GDI2: variants seen among roughly 807,000 people sequenced by gnomAD.
The protein encoded by GDI2 is rab GDP dissociation inhibitor beta.
In GDI2, 22 loss-of-function variants were observed where a neutral mutation model predicts 54.2. The observed-to-expected ratio is 0.41, with a 90% CI of 0.29 to 0.58. The LOEUF is 0.58. Among genes scored for constraint, GDI2 ranks in the 20% least tolerant of loss-of-function variants. GDI2 has a pLI of 0.35. For missense variants in GDI2, 422 were observed against 546.0 expected (o/e 0.77, Z 2.26); for synonymous variants, 177 against 182.1 (o/e 0.97, Z 0.23).
chr10:5,799,223 G>A (rs748494982), intron 2 of GDI2, among the ~76,000 whole-genome samples: 6 of 152,012 alleles, frequency 3.9e-5, no homozygotes, highest in South Asian at 2.1e-4. Flanking sequence ...CTTTAGCCCC[G>A]CTACTTAGGA....
At chr10:5,787,076 C>T (rs1840896892) in intron 4 of GDI2, among the ~76,000 whole-genome samples, 1 of 152,152 alleles carries the variant, frequency 6.6e-6, no homozygotes, top group East Asian at 1.9e-4. Context: ...CATTCCTAAG[C>T]TGTACAGCTA....
At chr10:5,770,486 C>T (rs547830249) in intron 7 of GDI2, among the ~76,000 whole-genome samples, 7 of 151,928 alleles carry the variant, frequency 4.6e-5, no homozygotes, top group African/African-American at 1.4e-4. Flanking sequence ...CACTTGAATA[C>T]GGGAGGCAGA....
intron 3 of GDI2, among the ~76,000 whole-genome samples, chr10:5,795,459 C>A (rs181162508): frequency 6.6e-6 from 1 of 152,258 alleles, no homozygotes; most frequent in Admixed American, 6.5e-5. Flanking sequence ...ATAGGACAAC[C>A]AGAATGCAAA....
In GDI2 at chr10:5,768,676, G is replaced by A. The variant is rs1004780155; in HGVS notation, c.820-292C>T. 21 of 275,928 alleles carry A rather than the reference G, an allele frequency of 7.6e-5. No homozygotes were observed. Among genetic ancestry groups the A allele is most frequent in the African/African-American group, 2.9e-4 (13 of 45,484 alleles). The allele number at this position is 275,928 out of a possible 1,614,324, so 17.1% of individuals were successfully genotyped here. On this transcript the variant is annotated intron_variant, in intron 7 of 10. Coordinates refer to ENST00000380191, the MANE Select transcript of GDI2 (RefSeq NM_001494.4). This position sits in a 1 kb window ranked among gnomAD's most constrained non-coding sequence, Gnocchi z 4.4. ...AGGAGAGAGCCAGAAATAAACCCTC[G>A]CATCCACAGTACAGTGATTTTTGAC... is the stretch of plus-strand genomic sequence containing the variant.
At chr10:5,773,354 C>A (rs1238652755) in intron 7 of GDI2, among the ~76,000 whole-genome samples, 3 of 152,056 alleles carry the variant, frequency 2.0e-5, no homozygotes, top group Admixed American at 6.5e-5. Context: ...GGGAAACGAT[C>A]TTTTTTTCCT....
chr10:5,785,980 T>G lies in GDI2; in HGVS notation c.459A>C (p.Lys153Asn). 6.2e-7 allele frequency: 1 copy of G among 1,612,862 alleles called. No homozygotes were observed. Among genetic ancestry groups the G allele is most frequent in the Middle Eastern group, 1.6e-4 (1 of 6,082 alleles). ...FLVYVANFDEKDPRTFEGIDP... is the reference protein window; with the variant it reads ...FLVYVANFDENDPRTFEGIDP... The stretch of plus-strand genomic sequence containing the variant: ...CAATGCCTTCAAAAGTTCTTGGATC[T>G]TTTTCATCGAAGTTGGCAACATACA... The change falls in exon 5 of 11, where the codon AAA (lysine) becomes AAC (asparagine). Residue 153 changes from lysine (K) to asparagine (N), a missense_variant. Transcript: ENST00000380191.
At chr10:5,788,894 C>G (rs1374385191) in intron 4 of GDI2, among the ~76,000 whole-genome samples, 2 of 151,982 alleles carry the variant, frequency 1.3e-5, no homozygotes, top group African/African-American at 2.4e-5. Context: ...TCCCGAGTAG[C>G]TAGGATTAAA....
chr10:5,804,647 G>T (rs1841338539), intron 1 of GDI2, among the ~76,000 whole-genome samples: 1 of 152,130 alleles, frequency 6.6e-6, no homozygotes, highest in South Asian at 2.1e-4. Context: ...TTGCTATAGA[G>T]CAAAGGTCCC....
intron 7 of GDI2, among the ~76,000 whole-genome samples, chr10:5,772,008 T>G (rs1325444679): frequency 1.3e-5 from 2 of 152,052 alleles, no homozygotes; most frequent in Non-Finnish European, 2.9e-5. Flanking sequence ...GAGAATCACT[T>G]GAACCCGGAA....
chr10:5,797,054 TC>T (rs1841162280), intron 2 of GDI2, among the ~76,000 whole-genome samples, 192 bp from the exon 3 acceptor site: 1 of 152,164 alleles, frequency 6.6e-6, no homozygotes. Flanking sequence ...ATTACTAAAC[TC>T]ATAAATGTTA....
intron 2 of GDI2, among the ~76,000 whole-genome samples, chr10:5,798,693 C>T (rs1841200916): frequency 6.7e-6 from 1 of 149,526 alleles, no homozygotes; most frequent in Non-Finnish European, 1.5e-5. Flanking sequence ...AAGAAATATA[C>T]TAGGCCAGGC....
chr10:5,810,601 T>C (rs558295048), intron 1 of GDI2, among the ~76,000 whole-genome samples: 2 of 152,342 alleles, frequency 1.3e-5, no homozygotes, highest in Admixed American at 1.3e-4. Flanking sequence ...GGCTTCACCA[T>C]GTTACAGCAT....
chr10:5,782,443 C>A (rs751001964), intron 6 of GDI2, among the ~76,000 whole-genome samples: 5 of 152,300 alleles, frequency 3.3e-5, no homozygotes, highest in African/African-American at 1.2e-4. Flanking sequence ...CTATCTGCCA[C>A]ATTAGTCAGC....
intron 4 of GDI2, among the ~76,000 whole-genome samples, chr10:5,787,841 T>C (rs114429247): frequency 0.013 from 2,005 of 152,354 alleles, 51 homozygotes; most frequent in African/African-American, 0.045. Flanking sequence ...GTTTATTTAA[T>C]AGAAACCTGA....
intron 1 of GDI2, among the ~76,000 whole-genome samples, chr10:5,806,032 T>C (rs549582587): frequency 6.6e-6 from 1 of 152,366 alleles, no homozygotes; most frequent in East Asian, 1.9e-4. Flanking sequence ...CTCGCATGTG[T>C]CTTCTAAGTG....
rs1249102287 is a variant in GDI2, at chr10:5,768,282, T to C, written c.922A>G (p.Ile308Val). 6.2e-7 allele frequency: 1 copy of C among 1,611,002 alleles called. No individual in the cohort carries two copies. The highest frequency in any genetic ancestry group is 2.2e-5 in the East Asian group (1 of 44,884). ...GAGTTGGCATCATTGGTGTTCTTGA[T>C]GGGGTGGCTGAGGATGCAAATAACT... ...IRVICILSHP[I>V]KNTNDANSCQ... The change falls in exon 8 of 11, where the codon ATC becomes GTC. Residue 308 changes from isoleucine to valine, a missense_variant. By Grantham distance (29) the Ile-to-Val change is conservative. Coordinates refer to ENST00000380191, the MANE Select transcript of GDI2 (RefSeq NM_001494.4). This position sits in a 1 kb window ranked among gnomAD's most constrained non-coding sequence, Gnocchi z 4.4.
rs368375093 is a variant in GDI2, at chr10:5,766,471, A to G, written c.1136+23T>C. 1.4e-5 allele frequency: 23 copies of G among 1,612,176 alleles called. No homozygotes were observed. Among genetic ancestry groups the G allele is most frequent in the Admixed American group, 3.3e-5 (2 of 60,000 alleles). ...CAAAGGCCTCAGTTTGCATCTCGGC[A>G]GATATAAAAGAACACAACTCACTTC... is the stretch of plus-strand genomic sequence containing the variant. On this transcript the variant is annotated intron_variant, in intron 9 of 10. Transcript: ENST00000380191. The surrounding 1 kb of genome is among the most constrained non-coding windows in gnomAD (Gnocchi z 5.8).
chr10:5,804,784 GAC>G (rs1171602255), intron 1 of GDI2, among the ~76,000 whole-genome samples: 1 of 151,540 alleles, frequency 6.6e-6, no homozygotes, highest in Non-Finnish European at 1.5e-5. Context: ...GGGCAGCTGT[GAC>G]AGAGACCAGA....
intron 2 of GDI2, among the ~76,000 whole-genome samples, chr10:5,798,602 A>AT (rs1841199002): frequency 6.6e-6 from 1 of 151,964 alleles, no homozygotes. Flanking sequence ...AAAAAAAAAA[A>AT]GAAAAAATTC....
Sources: gnomAD v4.1 joint callset for allele counts (sites outside exome capture counted in the v4.1 genomes callset) on GRCh38, gnomAD v4.1.1 for gene constraint, Gnocchi (gnomAD v3.1) non-coding constraint, MANE v1.5 for transcripts, NCBI Gene and HGNC (gene_info 2026-07-23, HGNC 2026-07-21) for gene names.